The following ARHGAP35 variants were observed in gnomAD, a reference collection of about 807,000 sequenced individuals.
ARHGAP35 encodes rho GTPase-activating protein 35.
A neutral mutation model predicts 111.1 loss-of-function variants in ARHGAP35; 15 were observed. The ratio of observed to expected loss-of-function variants is 0.13; its 90% CI spans 0.09 to 0.21. The LOEUF is 0.21. ARHGAP35 is among the 10% of genes least tolerant of loss of function. The probability of loss-of-function intolerance (pLI) is 1.00; values close to 1 mark genes in which losing one functional copy is unlikely to be tolerated. For synonymous variants in ARHGAP35, 643 were observed against 710.3 expected (o/e 0.91, Z 1.51); for missense variants, 1,262 against 1,873.0 (o/e 0.67, Z 6.02).
intron 2 of ARHGAP35, among the ~76,000 whole-genome samples, chr19:46,925,146 A>G (rs2056230746): frequency 6.6e-6 from 1 of 152,216 alleles, no homozygotes; most frequent in African/African-American, 2.4e-5. Flanking sequence ...CCCAAGAGCA[A>G]TAGCGTGCCA....
chr19:46,890,141 C>G (rs1388196357), intron 1 of ARHGAP35, among the ~76,000 whole-genome samples: 2 of 152,174 alleles, frequency 1.3e-5, no homozygotes, highest in Non-Finnish European at 2.9e-5. Flanking sequence ...CTCATTTTGT[C>G]TCCGTTTTAC....
chr19:46,976,206 TCTC>T (rs2056578786), intron 3 of ARHGAP35, among the ~76,000 whole-genome samples: 1 of 143,398 alleles, frequency 7.0e-6, no homozygotes, highest in Non-Finnish European at 1.5e-5. Flanking sequence ...AACAAAGCTT[TCTC>T]CTTTTTTTTT....
intron 3 of ARHGAP35, among the ~76,000 whole-genome samples, chr19:46,980,667 A>G (rs1291668087): frequency 1.3e-5 from 2 of 152,212 alleles, no homozygotes; most frequent in Non-Finnish European, 2.9e-5. Flanking sequence ...TTAAGAGTGT[A>G]GAGAAAAAAG....
intron 1 of ARHGAP35, among the ~76,000 whole-genome samples, chr19:46,904,176 A>C (rs533398476): frequency 6.6e-6 from 1 of 152,178 alleles, no homozygotes; most frequent in Non-Finnish European, 1.5e-5. Context: ...TAGGGCACAG[A>C]CAGCTCTGAC....
chr19:46,925,819 G>C (rs1486158273), intron 2 of ARHGAP35, among the ~76,000 whole-genome samples: 1 of 152,184 alleles, frequency 6.6e-6, no homozygotes, highest in Admixed American at 6.5e-5. Flanking sequence ...TCCTGATCAG[G>C]TTGTGAGAAA....
chr19:46,936,845 CTT>C (rs570390790), intron 2 of ARHGAP35, among the ~76,000 whole-genome samples: 31 of 128,364 alleles, frequency 2.4e-4, no homozygotes, highest in Admixed American at 2.4e-4. Flanking sequence ...TTCTTGAAAT[CTT>C]TTTTTTTTTT....
Position 46,961,186 on chromosome 19 carries a change from C to T in ARHGAP35, c.3826+23778C>T, listed in dbSNP as rs1023547597. Among the ~76,000 whole-genome samples the T allele has an allele frequency of 4.6e-5, 7 of 152,304 alleles. No homozygotes were observed. The East Asian group carries it at 9.6e-4, about 21-fold the overall frequency. The stretch of plus-strand genomic sequence containing the variant: ...CTGGGATTACAGGCATGAGCTGCCG[C>T]GCCCAGCCAACTGTATAATAATTTG... On this transcript the variant is annotated intron_variant, in intron 3 of 6. Coordinates refer to ENST00000672722, the MANE Select transcript of ARHGAP35 (RefSeq NM_004491.5).
chr19:46,879,609 A>G (rs999820812), intron 1 of ARHGAP35, among the ~76,000 whole-genome samples: 2 of 77,718 alleles, frequency 2.6e-5, no homozygotes, highest in Non-Finnish European at 5.9e-5. Context: ...TAAATAAATA[A>G]ATAAATAAAA....
At chr19:46,936,017 T>C (rs780339939) in intron 2 of ARHGAP35, among the ~76,000 whole-genome samples, 2 of 152,170 alleles carry the variant, frequency 1.3e-5, no homozygotes, top group East Asian at 1.9e-4. Flanking sequence ...CTTGGTAAGA[T>C]TGAGTGTCAT....
chr19:46,886,020 C>G (rs1165120152), intron 1 of ARHGAP35, among the ~76,000 whole-genome samples: 1 of 152,182 alleles, frequency 6.6e-6, no homozygotes, highest in East Asian at 1.9e-4. Flanking sequence ...CATTTCATTT[C>G]TCTAATGCCT....
chr19:46,972,979 G>A (rs1340591168), intron 3 of ARHGAP35, among the ~76,000 whole-genome samples: 4 of 152,116 alleles, frequency 2.6e-5, no homozygotes, highest in African/African-American at 7.2e-5. Context: ...CTGTTCCCCT[G>A]CACTGAAGAT....
rs144581655 is a variant in ARHGAP35, at chr19:46,926,806, T to A, written c.3681+4450T>A. On this transcript the variant is annotated intron_variant, in intron 2 of 6. Coordinates refer to ENST00000672722, the MANE Select transcript of ARHGAP35 (RefSeq NM_004491.5). This position sits in a 1 kb window ranked among gnomAD's most constrained non-coding sequence, Gnocchi z 4.1. The stretch of plus-strand genomic sequence containing the variant: ...CCCCCTAGTGAATTGGCTTATTTCA[T>A]TGGATTCAGTGAATTGGCTGGTTGT... Among the ~76,000 whole-genome samples the A allele has an allele frequency of 6.6e-6, 1 of 152,206 alleles. No individual in the cohort carries two copies. The highest frequency in any genetic ancestry group is 2.4e-5 in the African/African-American group (1 of 41,450).
chr19:46,912,910 G>A (rs554826415), intron 1 of ARHGAP35, among the ~76,000 whole-genome samples: 5 of 151,726 alleles, frequency 3.3e-5, no homozygotes, highest in South Asian at 4.2e-4. Flanking sequence ...TGAGAAATAC[G>A]AGGTTTTAAG....
At chr19:46,909,199 A>G (rs1192880250) in intron 1 of ARHGAP35, among the ~76,000 whole-genome samples, 1 of 152,144 alleles carries the variant, frequency 6.6e-6, no homozygotes, top group Non-Finnish European at 1.5e-5. Context: ...GCTACTCAGG[A>G]GGTTGAGGTG....
chr19:46,904,501 C>T lies in ARHGAP35; in HGVS notation c.-188-13987C>T, dbSNP rs145562238. On this transcript the variant is annotated intron_variant, in intron 1 of 6. Transcript: ENST00000672722. ...AGGAAATTATGGCCTTGAGCACAGG[C>T]AGAAAGCATCTGGCTCCCAGGCGCT... Among the ~76,000 whole-genome samples the T allele has an allele frequency of 4.3e-3, 652 of 152,298 alleles. 2 individuals are homozygous for T. The highest frequency in any genetic ancestry group is 6.9e-3 in the Non-Finnish European group (467 of 68,012).
At chr19:46,867,737 G>C (rs2055866103) in intron 1 of ARHGAP35, among the ~76,000 whole-genome samples, 1 of 151,860 alleles carries the variant, frequency 6.6e-6, no homozygotes, top group Non-Finnish European at 1.5e-5. Flanking sequence ...GTTGACAGAA[G>C]ATAAACAGGT....
At chr19:46,953,657 C>T (rs954101467) in intron 3 of ARHGAP35, among the ~76,000 whole-genome samples, 2 of 152,196 alleles carry the variant, frequency 1.3e-5, no homozygotes, top group South Asian at 4.1e-4. Context: ...TGGATGTATA[C>T]CCAGTCCCCC....
At chr19:46,914,446 AAAT>A (rs145247020) in intron 1 of ARHGAP35, among the ~76,000 whole-genome samples, 1,715 of 151,854 alleles carry the variant, frequency 0.011, 35 homozygotes, top group African/African-American at 0.038. Context: ...CCCCATTTCT[AAAT>A]AATAATAATA....
At chr19:46,990,434 G>A (rs1029165226) in intron 5 of ARHGAP35, among the ~76,000 whole-genome samples, 1 of 152,232 alleles carries the variant, frequency 6.6e-6, no homozygotes, top group African/African-American at 2.4e-5. Flanking sequence ...CCACCATGTG[G>A]CCCTCACTAC....
Sources: allele counts gnomAD v4.1 joint callset (sites outside exome capture counted in the v4.1 genomes callset), GRCh38; gene constraint gnomAD v4.1.1; non-coding constraint Gnocchi (gnomAD v3.1); transcripts MANE v1.5; gene names NCBI Gene and HGNC (gene_info 2026-07-23, HGNC 2026-07-21).